PAM: variants seen among roughly 807,000 people sequenced by gnomAD.
PAM encodes the protein peptidyl-glycine alpha-amidating monooxygenase.
Under a neutral mutation model 122.1 loss-of-function variants are expected in PAM, and 72 were observed. The ratio of observed to expected loss-of-function variants is 0.59; its 90% CI spans 0.49 to 0.72. The LOEUF is 0.72. PAM is among the 30% of genes least tolerant of loss of function. The probability of loss-of-function intolerance (pLI) is 0.00; values close to 1 mark genes in which losing one functional copy is unlikely to be tolerated. For missense variants in PAM, 1,106 were observed against 1,183.7 expected, an observed-to-expected ratio of 0.93 and a Z score of 0.96; for synonymous variants, 389 against 404.4, an observed-to-expected ratio of 0.96 and a Z score of 0.46.
intron 1 of PAM, among the ~76,000 whole-genome samples, chr5:102,805,772 A>T (rs1394435599): frequency 1.3e-5 from 2 of 152,242 alleles, no homozygotes; most frequent in Non-Finnish European, 2.9e-5. Context: ...AACACTAACT[A>T]GTACAAGACA....
chr5:102,819,798 G>A (rs770112947), intron 1 of PAM, among the ~76,000 whole-genome samples: 1 of 152,090 alleles, frequency 6.6e-6, no homozygotes, highest in Non-Finnish European at 1.5e-5. Flanking sequence ...AGTTACCCTG[G>A]ATGGTTATGC....
intron 2 of PAM, chr5:102,866,493 T>C (rs776313134): frequency 1.6e-5 from 9 of 558,532 alleles, no homozygotes; most frequent in African/African-American, 7.6e-5. Flanking sequence ...AAACTCCAAT[T>C]AGAAGTTGTG....
chr5:102,764,794 A>G (rs1753400672), intron 1 of PAM, among the ~76,000 whole-genome samples: 1 of 152,234 alleles, frequency 6.6e-6, no homozygotes, highest in Admixed American at 6.5e-5. Context: ...AAAAACTGTC[A>G]GTGGTAACTG....
chr5:102,787,010 C>T (rs258234), intron 1 of PAM, among the ~76,000 whole-genome samples: 63,550 of 151,854 alleles, frequency 0.42, 13,977 homozygotes, highest in African/African-American at 0.55. Flanking sequence ...ATCTTACTCT[C>T]CCATCTGAGA....
At chr5:102,812,313 A>T (rs1030085765) in intron 1 of PAM, among the ~76,000 whole-genome samples, 15 of 152,178 alleles carry the variant, frequency 9.9e-5, no homozygotes, top group African/African-American at 3.6e-4. Context: ...AAATGATAGC[A>T]CATGGGTCCA....
At chr5:102,971,223 G>GT (rs1304487616) in intron 14 of PAM, among the ~76,000 whole-genome samples, 1 of 152,192 alleles carries the variant, frequency 6.6e-6, no homozygotes, top group Admixed American at 6.5e-5. Flanking sequence ...CAATTAGTTT[G>GT]TTTTTTCAGT....
chr5:102,958,367 C>T (rs1396499366), intron 12 of PAM, among the ~76,000 whole-genome samples: 1 of 152,054 alleles, frequency 6.6e-6, no homozygotes, highest in Non-Finnish European at 1.5e-5. Flanking sequence ...CCTTTTTGCT[C>T]AGTTGATCTA....
At chr5:102,988,239 C>CTGTCATATTCCTA (rs1772605526) in intron 15 of PAM, among the ~76,000 whole-genome samples, 3 of 143,428 alleles carry the variant, frequency 2.1e-5, no homozygotes, top group African/African-American at 9.0e-5. Context: ...CTGCCCACTT[C>CTGTCATATTCCTA]TACACTTAAT....
chr5:102,841,605 T>G (rs1054058452), intron 1 of PAM, among the ~76,000 whole-genome samples: 4 of 152,150 alleles, frequency 2.6e-5, no homozygotes, highest in African/African-American at 9.6e-5. Flanking sequence ...TCCCAACCAT[T>G]TATGAATCTG....
chr5:102,935,510 T>C (rs1752954497), intron 7 of PAM, among the ~76,000 whole-genome samples: 2 of 152,166 alleles, frequency 1.3e-5, no homozygotes, highest in African/African-American at 4.8e-5. Flanking sequence ...TAGAAATGTT[T>C]TAGGTAACCA....
At chr5:102,960,634 G>A (rs1343036564) in intron 13 of PAM, among the ~76,000 whole-genome samples, 2 of 151,784 alleles carry the variant, frequency 1.3e-5, no homozygotes, top group Admixed American at 6.6e-5. Context: ...ACTTAAAATT[G>A]CAAAGTCTAC....
chr5:102,792,792 C>G (rs922715179), intron 1 of PAM, among the ~76,000 whole-genome samples: 30 of 152,300 alleles, frequency 2.0e-4, no homozygotes, highest in African/African-American at 7.0e-4. Context: ...TTTTGAGGCT[C>G]CTACCACAGT....
At chr5:102,782,030 C>T (rs980141098) in intron 1 of PAM, among the ~76,000 whole-genome samples, 34 of 152,338 alleles carry the variant, frequency 2.2e-4, no homozygotes, top group African/African-American at 7.9e-4. Context: ...TTGTCCACTA[C>T]TTACTCCAGC....
chr5:102,874,033 G>T (rs1388718495), intron 3 of PAM, among the ~76,000 whole-genome samples: 1 of 152,130 alleles, frequency 6.6e-6, no homozygotes, highest in African/African-American at 2.4e-5. Context: ...AAAATAAAAT[G>T]CTGTATCTCC....
intron 3 of PAM, among the ~76,000 whole-genome samples, chr5:102,895,420 G>T (rs1338647872): frequency 2.0e-5 from 3 of 151,712 alleles, no homozygotes; most frequent in Admixed American, 1.3e-4. Context: ...AACAGTGTCT[G>T]GTTCCTGGGA....
At chr5:102,774,385 G>T (rs901966305) in intron 1 of PAM, among the ~76,000 whole-genome samples, 2 of 152,020 alleles carry the variant, frequency 1.3e-5, no homozygotes, top group Non-Finnish European at 2.9e-5. Flanking sequence ...AGTATAGTGT[G>T]GGGATTAAGA....
chr5:102,785,043 G>A (rs911163879), intron 1 of PAM, among the ~76,000 whole-genome samples: 3 of 152,232 alleles, frequency 2.0e-5, no homozygotes, highest in Non-Finnish European at 4.4e-5. Context: ...TCCCCAAATA[G>A]ACTTTTTTGT....
At chr5:103,010,227 C>A (rs892811150) in intron 21 of PAM, among the ~76,000 whole-genome samples, 1 of 152,116 alleles carries the variant, frequency 6.6e-6, no homozygotes, top group African/African-American at 2.4e-5. Context: ...AACATCACAA[C>A]ATGTTAAGTG....
intron 14 of PAM, among the ~76,000 whole-genome samples, chr5:102,964,469 T>A (rs142294446): frequency 1.4e-3 from 209 of 151,990 alleles, no homozygotes; most frequent in African/African-American, 4.8e-3. Context: ...CACAAAAGCA[T>A]CATTATATGA....
Sources: allele counts gnomAD v4.1 joint callset (sites outside exome capture counted in the v4.1 genomes callset), GRCh38; gene constraint gnomAD v4.1.1; transcripts MANE v1.5; gene names NCBI Gene and HGNC (gene_info 2026-07-23, HGNC 2026-07-21).